Variants in COPA observed in about 807,000 individuals in gnomAD.
COPA encodes the protein coat protein complex I subunit alpha.
A neutral mutation model predicts 158.7 loss-of-function variants in COPA; 10 were observed. The ratio of observed to expected loss-of-function variants is 0.06; its 90% CI spans 0.04 to 0.11. The LOEUF is 0.11. Ranked by LOEUF, COPA falls within the 10% of genes least tolerant of loss-of-function variation. COPA has a pLI of 1.00. For synonymous variants in COPA, 462 were observed against 542.8 expected (o/e 0.85, Z 2.07); for missense variants, 1,065 against 1,536.7 (o/e 0.69, Z 5.13).
chr1:160,311,696 G>A (rs931820624), intron 11 of COPA, among the ~76,000 whole-genome samples, 172 bp downstream of exon 11: 1 of 151,930 alleles, frequency 6.6e-6, no homozygotes, highest in Non-Finnish European at 1.5e-5. Flanking sequence ...GCAGTGAGCC[G>A]AGATCGCGCC....
chr1:160,295,572 A>G (rs1658371047), intron 23 of COPA, among the ~76,000 whole-genome samples, 164 bp downstream of exon 23: 2 of 152,144 alleles, frequency 1.3e-5, no homozygotes, highest in South Asian at 4.1e-4. Context: ...TGAAAATGCT[A>G]TCTTAAGTTT....
chr1:160,340,114 G>C, intron 2 of COPA, 67 bp downstream of exon 2: 1 of 1,485,614 alleles, frequency 6.7e-7, no homozygotes, highest in Non-Finnish European at 9.4e-7. Context: ...TGTCAAACAA[G>C]GCTTAAAATA....
In COPA at chr1:160,291,825, G is replaced by A. The variant is rs776378426; in HGVS notation, c.3252C>T (p.Ile1084=). The change falls in exon 30 of 33, where the codon ATC becomes ATT. Residue 1084 remains isoleucine (I), a synonymous_variant. Coordinates refer to ENST00000241704, the MANE Select transcript of COPA (RefSeq NM_004371.4). ...AGGGTCCTATAGATCTTACCTCACAGATGCGCTTCTGCTGTTCTAGAGTCT... is the reference window on the plus strand; with the variant it reads ...AGGGTCCTATAGATCTTACCTCACAAATGCGCTTCTGCTGTTCTAGAGTCT... The part of the protein sequence containing the change: ...PKETLEQQKR[I]CEMAAYFTHS... 6.2e-7 allele frequency: 1 copy of A among 1,614,062 alleles called. No homozygotes were observed.
intron 6 of COPA, among the ~76,000 whole-genome samples, chr1:160,331,912 C>T (rs970579987): frequency 2.6e-5 from 4 of 151,552 alleles, no homozygotes; most frequent in Middle Eastern, 3.4e-3. Context: ...CACACCACTG[C>T]GCTCCAGCCT....
At chr1:160,294,448 C>T (rs759321307) in intron 25 of COPA, 36 bp downstream of exon 25, 28 of 1,580,046 alleles carry the variant, frequency 1.8e-5, no homozygotes, top group South Asian at 7.7e-5. Context: ...CAGGGAGATA[C>T]GGAGAGAACC....
chr1:160,341,403 T>C (rs180764201), intron 1 of COPA, among the ~76,000 whole-genome samples: 117 of 152,356 alleles, frequency 7.7e-4, no homozygotes, highest in South Asian at 8.3e-4. Flanking sequence ...ACTACACTTA[T>C]ATTATTCTAA....
intron 7 of COPA, among the ~76,000 whole-genome samples, chr1:160,324,908 G>A (rs778734016): frequency 6.6e-6 from 1 of 152,096 alleles, no homozygotes; most frequent in Non-Finnish European, 1.5e-5. Flanking sequence ...ACAGAATCCT[G>A]GATAAGGCAG....
intron 8 of COPA, 41 bp downstream of exon 8, chr1:160,323,390 C>T (rs745968009): frequency 5.9e-6 from 9 of 1,530,168 alleles, no homozygotes; most frequent in South Asian, 1.2e-5. Context: ...TGCTGGCTGG[C>T]AGTTTCTTAG....
At position 160,289,594 on chromosome 1, in the gene COPA, CT is replaced by C. The variant is rs5778156; in HGVS notation, c.*562del. 79,233 of 142,790 alleles carry C rather than the reference CT, an allele frequency of 0.55. 21,576 individuals are homozygous for C. Among genetic ancestry groups the C allele is most frequent in the African/African-American group, 0.64 (24,880 of 38,588 alleles). The allele number at this position is 142,790 out of a possible 1,614,324, so 8.8% of individuals were successfully genotyped here. On this transcript the variant is annotated 3_prime_UTR_variant, in exon 33 of 33. Coordinates refer to ENST00000241704, the MANE Select transcript of COPA (RefSeq NM_004371.4). ...AACAAATGTCCATCACAGAGTTTTC[CT>C]TTTTTTTTTTTTTGAGACAGAGTCT...
At chr1:160,324,285 CTTTTTTTTTTT>C (rs750360211) in intron 7 of COPA, among the ~76,000 whole-genome samples, 3 of 102,388 alleles carry the variant, frequency 2.9e-5, no homozygotes, top group Admixed American at 9.9e-5. Context: ...CTTCTTCATT[CTTTTTTTTTTT>C]TTTTTTTTTT....
At chr1:160,296,027 GTAA>G in intron 22 of COPA, 31 bp downstream of exon 22, 1 of 1,600,404 alleles carries the variant, frequency 6.2e-7, no homozygotes, top group Non-Finnish European at 8.6e-7. Context: ...AGTTAATCCT[GTAA>G]TAAGAGACAA....
Position 160,290,182 on chromosome 1 carries a change from C to T in COPA, c.3650G>A (p.Arg1217Lys), listed in dbSNP as rs1322429024. Reference sequence around the variant, plus strand: ...TTAGCGAAACTGCAGAGGACTGATCCTTAAACCAATCACATCTTTGCCAAT... The same window carrying T: ...TTAGCGAAACTGCAGAGGACTGATCTTTAAACCAATCACATCTTTGCCAAT... The part of the protein sequence containing the change: ...TEIGKDVIGL[R>K]ISPLQFR Residue 1217 changes from arginine to lysine, a missense_variant, in exon 33 of 33, where the codon AGG (arginine) becomes AAG (lysine). Physicochemically the swap from Arg to Lys is conservative, Grantham distance 26. This residue lies in a region of COPA where 980 missense variants were observed against 1,357.8 expected (regional missense o/e 0.72). Transcript: ENST00000241704. 3 of 1,613,992 alleles carry T rather than the reference C, an allele frequency of 1.9e-6. No homozygotes were observed. The Admixed American group carries it at 5.0e-5, about 27-fold the overall frequency.
chr1:160,294,245 A>G (rs1658330643), intron 25 of COPA, among the ~76,000 whole-genome samples: 1 of 152,148 alleles, frequency 6.6e-6, no homozygotes. Context: ...GTCCTGCCTT[A>G]GCCTCCCAAA....
chr1:160,324,891 T>C (rs2101862225), intron 7 of COPA, among the ~76,000 whole-genome samples: 1 of 152,338 alleles, frequency 6.6e-6, no homozygotes, highest in African/African-American at 2.4e-5. Context: ...TTATATGGTA[T>C]ATTGTGACAG....
chr1:160,305,878 T>C (rs1189418223), intron 15 of COPA, 105 bp from the exon 16 acceptor site: 1 of 891,708 alleles, frequency 1.1e-6, no homozygotes, highest in Non-Finnish European at 1.8e-6. Flanking sequence ...CCCAATTTCT[T>C]AATGTAATTC....
At position 160,313,180 on chromosome 1, in the gene COPA, C is replaced by T. The variant is rs376078788; in HGVS notation, c.843-13G>A. ...CTGAACCCCAGTCCTAGAAAAGGTA[C>T]ACAAAAAGAAAAACATTAATTTCCT... On this transcript the variant is annotated splice_polypyrimidine_tract_variant and intron_variant, in intron 9 of 32. Coordinates refer to ENST00000241704, the MANE Select transcript of COPA (RefSeq NM_004371.4). 5 of 1,611,198 alleles carry T rather than the reference C, an allele frequency of 3.1e-6. No homozygotes were observed. In the African/African-American group the frequency reaches 5.3e-5, roughly 17 times the overall value.
chr1:160,294,390 A>G (rs534719586), intron 25 of COPA, 94 bp downstream of exon 25: 2 of 1,048,282 alleles, frequency 1.9e-6, no homozygotes, highest in Non-Finnish European at 3.0e-6. Context: ...GGGATAGGAT[A>G]GGAGACCTGA....
chr1:160,320,429 G>A (rs947967900), intron 8 of COPA, among the ~76,000 whole-genome samples: 2 of 151,606 alleles, frequency 1.3e-5, no homozygotes, highest in African/African-American at 4.8e-5. Flanking sequence ...GGACAACATG[G>A]CAAAACCCTG....
chr1:160,297,397 G>A lies in COPA; in HGVS notation c.2209C>T (p.Leu737=). ...KDMSGHYQNA[L]YLGDVSERVR... ...CGCTCTGACACATCACCCAGGTATA[G>A]GGCATTCTGATAGTGGCCACTCATG... is the stretch of plus-strand genomic sequence containing the variant. Residue 737 remains leucine, a synonymous_variant, in exon 21 of 33, where the codon CTA becomes TTA. Coordinates refer to ENST00000241704, the MANE Select transcript of COPA (RefSeq NM_004371.4). 1 of 1,614,150 alleles carries A rather than the reference G, an allele frequency of 6.2e-7. No individual in the cohort carries two copies.
Sources: gnomAD v4.1 joint callset for allele counts (sites outside exome capture counted in the v4.1 genomes callset) on GRCh38, gnomAD v4.1.1 for gene constraint, gnomAD v4.1.1 regional missense constraint, MANE v1.5 for transcripts, NCBI Gene and HGNC (gene_info 2026-07-23, HGNC 2026-07-21) for gene names.